Variants in APLF observed in about 807,000 individuals in gnomAD.
APLF encodes aprataxin and PNKP like factor.
A neutral mutation model predicts 55.6 loss-of-function variants in APLF; 61 were observed. That is an observed-to-expected ratio of 1.10 (90% CI 0.89 to 1.36). The LOEUF is 1.36. Among genes scored for constraint, APLF ranks in the 40% most tolerant of loss-of-function variants. APLF has a pLI of 0.00. For synonymous variants in APLF, 207 were observed against 214.8 expected (o/e 0.96, Z 0.32); for missense variants, 611 against 602.5 (o/e 1.01, Z -0.15).
intron 1 of APLF, among the ~76,000 whole-genome samples, chr2:68,468,992 GT>G (rs1675525636): frequency 2.4e-5 from 3 of 124,654 alleles, no homozygotes; most frequent in African/African-American, 9.8e-5. Context: ...CTAAAGGGGT[GT>G]GTGTGTGTGT....
At chr2:68,473,945 C>T (rs1463902861) in intron 1 of APLF, among the ~76,000 whole-genome samples, 1 of 152,302 alleles carries the variant, frequency 6.6e-6, no homozygotes, top group South Asian at 2.1e-4. Context: ...CCCAAGATTT[C>T]CCCCCACTTC....
At chr2:68,550,336 AT>A (rs1442764642) in intron 8 of APLF, among the ~76,000 whole-genome samples, 3 of 152,004 alleles carry the variant, frequency 2.0e-5, no homozygotes, top group Non-Finnish European at 4.4e-5. Flanking sequence ...GGTTCAGGCA[AT>A]TCTCCTGCCT....
intron 1 of APLF, among the ~76,000 whole-genome samples, chr2:68,480,029 TATAAC>T (rs1183482068): frequency 6.6e-6 from 1 of 152,212 alleles, no homozygotes; most frequent in African/African-American, 2.4e-5. Context: ...GTAAAATACA[TATAAC>T]ATGCAAAATA....
intron 2 of APLF, among the ~76,000 whole-genome samples, chr2:68,495,478 C>T (rs74896952): frequency 0.026 from 3,911 of 152,276 alleles, 67 homozygotes; most frequent in South Asian, 0.043. Flanking sequence ...GGGTGGGCTC[C>T]CAAGACCTTT....
intron 5 of APLF, among the ~76,000 whole-genome samples, chr2:68,517,047 CATGTT>C (rs1261241613): frequency 1.7e-5 from 2 of 119,334 alleles, no homozygotes; most frequent in East Asian, 4.5e-4. Flanking sequence ...TATATAATAA[CATGTT>C]ATTAATATAT....
In APLF at chr2:68,491,852, C is replaced by T. The variant is rs537622739; in HGVS notation, c.168+1591C>T. On this transcript the variant is annotated intron_variant, in intron 2 of 9. Transcript: ENST00000303795. ...CATGTCAGCACATTTATTTTGTGAA[C>T]AAATTAACCAGTGGAATTGTGGACA... Among the ~76,000 whole-genome samples the T allele has an allele frequency of 2.0e-5, 3 of 152,228 alleles. No individual in the cohort carries two copies. In the South Asian group the frequency reaches 6.2e-4, roughly 32 times the overall value.
intron 2 of APLF, among the ~76,000 whole-genome samples, chr2:68,496,592 G>A (rs1676556092): frequency 6.6e-6 from 1 of 152,164 alleles, no homozygotes; most frequent in African/African-American, 2.4e-5. Flanking sequence ...TTGCTTATGT[G>A]TTTGAGTGCA....
At chr2:68,526,352 T>C (rs1670046265) in intron 6 of APLF, 110 bp downstream of exon 6, 1 of 1,438,340 alleles carries the variant, frequency 7.0e-7, no homozygotes, top group Non-Finnish European at 9.6e-7. Context: ...TTGTTGAGTT[T>C]ATGAAGACAA....
intron 1 of APLF, among the ~76,000 whole-genome samples, chr2:68,480,286 A>T (rs539873581): frequency 6.7e-6 from 1 of 148,618 alleles, no homozygotes; most frequent in South Asian, 2.1e-4. Context: ...TTCCATTTAG[A>T]TGCCCTTTCT....
chr2:68,572,975 C>T (rs1671511650), intron 9 of APLF, among the ~76,000 whole-genome samples: 1 of 151,998 alleles, frequency 6.6e-6, no homozygotes, highest in Non-Finnish European at 1.5e-5. Context: ...TAAGAACTAA[C>T]AGTGAAATTT....
At chr2:68,479,769 T>TA (rs1020825803) in intron 1 of APLF, among the ~76,000 whole-genome samples, 3 of 152,310 alleles carry the variant, frequency 2.0e-5, no homozygotes, top group African/African-American at 7.2e-5. Flanking sequence ...TTCATAAAGT[T>TA]ACACCAAGTA....
intron 2 of APLF, among the ~76,000 whole-genome samples, chr2:68,490,959 A>G (rs1056660364): frequency 6.6e-6 from 1 of 152,178 alleles, no homozygotes; most frequent in African/African-American, 2.4e-5. Context: ...TTTAAAACCA[A>G]TTTGTATTTT....
intron 5 of APLF, among the ~76,000 whole-genome samples, chr2:68,520,321 A>G (rs1046906123): frequency 5.9e-5 from 9 of 151,902 alleles, no homozygotes; most frequent in African/African-American, 1.7e-4. Flanking sequence ...TAGTTTAATT[A>G]AGTCCCATCT....
chr2:68,502,617 G>T lies in APLF; in HGVS notation c.169-114G>T, dbSNP rs549695948. On this transcript the variant is annotated intron_variant, in intron 2 of 9. Coordinates refer to ENST00000303795, the MANE Select transcript of APLF (RefSeq NM_173545.3). ...TCTAAGTTTATGCTTAAATTTTTTTGATACCAAAATTATGAATTCATATTT... is the reference window on the plus strand; with the variant it reads ...TCTAAGTTTATGCTTAAATTTTTTTTATACCAAAATTATGAATTCATATTT... 7.5e-6 allele frequency: 5 copies of T among 669,620 alleles called. No individual in the cohort carries two copies. The Admixed American group carries it at 2.1e-4, about 29-fold the overall frequency. 41.5% of individuals were successfully genotyped at this position (669,620 alleles called of 1,614,324 possible).
chr2:68,545,197 G>A lies in APLF; in HGVS notation c.1171G>A (p.Val391Ile), dbSNP rs1670669574. 4 of 1,613,114 alleles carry A rather than the reference G, an allele frequency of 2.5e-6. No individual in the cohort carries two copies. The highest frequency in any genetic ancestry group is 3.4e-6 in the Non-Finnish European group (4 of 1,179,514). The change falls in exon 8 of 10, where the codon GTT (valine) becomes ATT (isoleucine). Residue 391 changes from valine (V) to isoleucine (I), a missense_variant. Val to Ile is a conservative substitution (Grantham distance 29, BLOSUM62 3). Coordinates refer to ENST00000303795, the MANE Select transcript of APLF (RefSeq NM_173545.3). ...TTGTCGCCCTCCTAGGAAGAATCCTGTTCATTTTCAACATTTTAGCCATCC... is the reference window on the plus strand; with the variant it reads ...TTGTCGCCCTCCTAGGAAGAATCCTATTCATTTTCAACATTTTAGCCATCC... ...YGANCYRKNP[V>I]HFQHFSHPGD...
chr2:68,483,606 T>C (rs1676035027), intron 1 of APLF, among the ~76,000 whole-genome samples: 1 of 152,144 alleles, frequency 6.6e-6, no homozygotes, highest in African/African-American at 2.4e-5. Flanking sequence ...ACAAGATAAT[T>C]TTTATAAAAT....
At chr2:68,493,534 T>C (rs1371566385) in intron 2 of APLF, among the ~76,000 whole-genome samples, 1 of 152,190 alleles carries the variant, frequency 6.6e-6, no homozygotes, top group African/African-American at 2.4e-5. Context: ...AGAAACTTCG[T>C]TTATCAAAAG....
intron 7 of APLF, among the ~76,000 whole-genome samples, chr2:68,542,581 A>G (rs2104013328): frequency 6.6e-6 from 1 of 152,334 alleles, no homozygotes; most frequent in East Asian, 1.9e-4. Context: ...AGGGAAATGC[A>G]GACCATAACC....
Position 68,573,113 on chromosome 2 carries a change from T to A in APLF, c.1334-4707T>A, listed in dbSNP as rs78570952. Among the ~76,000 whole-genome samples, 210 of 152,338 alleles carry A rather than the reference T, an allele frequency of 1.4e-3. 5 individuals are homozygous for A. The East Asian group carries it at 0.039, about 28-fold the overall frequency. ...CCATATAGTAAATAATATGTTGTTT[T>A]AAACATGTTAAAGAGTTTATTATTT... is the stretch of plus-strand genomic sequence containing the variant. On this transcript the variant is annotated intron_variant, in intron 9 of 9. Transcript: ENST00000303795.
Sources: gnomAD v4.1 joint callset for allele counts (sites outside exome capture counted in the v4.1 genomes callset) on GRCh38, gnomAD v4.1.1 for gene constraint, MANE v1.5 for transcripts, NCBI Gene and HGNC (gene_info 2026-07-23, HGNC 2026-07-21) for gene names.